The following CLSTN2 variants were observed in gnomAD, a reference collection of about 807,000 sequenced individuals.
CLSTN2 encodes calsyntenin-2.
In CLSTN2, 48 loss-of-function variants were observed where a neutral mutation model predicts 101.2. The observed-to-expected ratio is 0.47, with a 90% confidence interval of 0.38 to 0.60. CLSTN2 has a LOEUF of 0.60. CLSTN2 is among the 20% of genes least tolerant of loss of function. The pLI is 0.00. For missense variants in CLSTN2, 1,160 were observed against 1,238.2 expected, an observed-to-expected ratio of 0.94 and a Z score of 0.95; for synonymous variants, 481 against 463.6, an observed-to-expected ratio of 1.04 and a Z score of -0.48.
intron 1 of CLSTN2, among the ~76,000 whole-genome samples, chr3:140,155,709 A>G (rs1273604971): frequency 1.3e-5 from 2 of 152,122 alleles, no homozygotes; most frequent in Admixed American, 1.3e-4. Flanking sequence ...CATGATGCAA[A>G]CAAGTCTTCA....
chr3:140,507,895 A>G (rs1252947945), intron 8 of CLSTN2: 1 of 152,184 alleles, frequency 6.6e-6, no homozygotes, highest in African/African-American at 2.4e-5. Flanking sequence ...TACCCATCTT[A>G]TAGATGAAGA....
intron 2 of CLSTN2, among the ~76,000 whole-genome samples, chr3:140,395,017 T>A (rs138772058): frequency 3.2e-4 from 49 of 152,256 alleles, no homozygotes; most frequent in Non-Finnish European, 5.3e-4. Flanking sequence ...TCTCAGCATA[T>A]AAATAAGTTT....
chr3:140,201,685 A>G (rs758567782), intron 2 of CLSTN2, among the ~76,000 whole-genome samples: 1 of 152,166 alleles, frequency 6.6e-6, no homozygotes, highest in Non-Finnish European at 1.5e-5. Context: ...GAAACTTAGA[A>G]TATATCAGTA....
At chr3:140,005,494 C>T (rs189992650) in intron 1 of CLSTN2, among the ~76,000 whole-genome samples, 82 of 152,318 alleles carry the variant, frequency 5.4e-4, no homozygotes, top group African/African-American at 1.9e-3. Context: ...CACCAGGACT[C>T]ACACACAGAG....
chr3:140,521,048 A>ATT (rs57840726), intron 8 of CLSTN2, among the ~76,000 whole-genome samples: 1,452 of 125,454 alleles, frequency 0.012, 17 homozygotes, highest in East Asian at 0.023. Context: ...GCTTTTTTGC[A>ATT]TTTTTTTTTT....
chr3:139,937,174 G>C (rs1368346479), intron 1 of CLSTN2, among the ~76,000 whole-genome samples: 1 of 152,138 alleles, frequency 6.6e-6, no homozygotes, highest in Non-Finnish European at 1.5e-5. Context: ...GTCTGCAAAC[G>C]GGAGTTTGAA....
chr3:140,415,486 C>CAAAAAA (rs751616049), intron 4 of CLSTN2, among the ~76,000 whole-genome samples: 129 of 56,856 alleles, frequency 2.3e-3, no homozygotes, highest in African/African-American at 4.8e-3. Flanking sequence ...CACAAAATAG[C>CAAAAAA]AAAAAAAAAA....
chr3:139,970,639 C>T (rs954974782), intron 1 of CLSTN2, among the ~76,000 whole-genome samples: 8 of 152,166 alleles, frequency 5.3e-5, no homozygotes, highest in Non-Finnish European at 1.0e-4. Flanking sequence ...TCATCCTGAA[C>T]ACAGCGGCAG....
intron 8 of CLSTN2, among the ~76,000 whole-genome samples, chr3:140,491,943 C>A (rs1261772706): frequency 6.6e-6 from 1 of 152,144 alleles, no homozygotes; most frequent in East Asian, 1.9e-4. Flanking sequence ...ACCTGGCAGG[C>A]ATTTCTGTGG....
chr3:140,446,376 A>C (rs1021641148), intron 5 of CLSTN2, among the ~76,000 whole-genome samples: 1 of 152,174 alleles, frequency 6.6e-6, no homozygotes, highest in African/African-American at 2.4e-5. Context: ...CTAGGGATGA[A>C]TCTCACATCC....
intron 1 of CLSTN2, among the ~76,000 whole-genome samples, chr3:139,945,990 G>T (rs1935209024): frequency 6.6e-6 from 1 of 152,138 alleles, no homozygotes; most frequent in Non-Finnish European, 1.5e-5. Context: ...CCTTTTTAGT[G>T]ACACTTCCAT....
chr3:140,092,301 G>A (rs1288570485), intron 1 of CLSTN2, among the ~76,000 whole-genome samples: 5 of 152,202 alleles, frequency 3.3e-5, no homozygotes, highest in Admixed American at 3.3e-4. Context: ...AAAAAAGTGA[G>A]CCTCTTGATA....
chr3:140,140,941 A>G (rs1243277440), intron 1 of CLSTN2, among the ~76,000 whole-genome samples: 2 of 152,194 alleles, frequency 1.3e-5, no homozygotes, highest in African/African-American at 4.8e-5. Context: ...GGCCTCCGTC[A>G]GGGAAGACAA....
chr3:140,279,346 A>G (rs2086824622), intron 2 of CLSTN2, among the ~76,000 whole-genome samples: 1 of 152,190 alleles, frequency 6.6e-6, no homozygotes, highest in Non-Finnish European at 1.5e-5. Flanking sequence ...CTGGGTGACC[A>G]AGGATCCTTC....
chr3:140,039,295 C>G (rs2007716815), intron 1 of CLSTN2, among the ~76,000 whole-genome samples: 1 of 151,930 alleles, frequency 6.6e-6, no homozygotes, highest in African/African-American at 2.4e-5. Flanking sequence ...GGGGGTAGAA[C>G]CCCTTTGAAG....
chr3:140,423,202 T>C (rs1207119932), intron 5 of CLSTN2, among the ~76,000 whole-genome samples: 1 of 152,224 alleles, frequency 6.6e-6, no homozygotes, highest in African/African-American at 2.4e-5. Context: ...TTATTAAATG[T>C]ATGCAAGGAA....
intron 8 of CLSTN2, among the ~76,000 whole-genome samples, chr3:140,496,392 G>A (rs1934465960): frequency 6.6e-6 from 1 of 152,092 alleles, no homozygotes; most frequent in African/African-American, 2.4e-5. Flanking sequence ...TCTAGATATA[G>A]GATCATGTCA....
intron 8 of CLSTN2, among the ~76,000 whole-genome samples, chr3:140,499,396 A>G (rs895460694): frequency 1.3e-5 from 2 of 152,160 alleles, no homozygotes; most frequent in Non-Finnish European, 2.9e-5. Flanking sequence ...GTCTTCAAGG[A>G]CCCCAATGTG....
In CLSTN2 at chr3:139,935,529, C is replaced by A; in HGVS notation, c.109+46C>A. The A allele has an allele frequency of 3.9e-6, 4 of 1,029,084 alleles. No individual in the cohort carries two copies. 63.7% of individuals were successfully genotyped at this position (1,029,084 alleles called of 1,614,324 possible). A position where few individuals can be genotyped will look rare whatever the true frequency, so the allele number is the denominator to read the frequency against. On this transcript the variant is annotated intron_variant, in intron 1 of 16. Coordinates refer to ENST00000458420, the MANE Select transcript of CLSTN2 (RefSeq NM_022131.3). This position sits in a 1 kb window ranked among gnomAD's most constrained non-coding sequence, Gnocchi z 5.5. ...CTCTTCTCCCAGGAGGGAGGCAGGG[C>A]AGGCTTGAGGGTGAAAGCGGCAAGG...
Sources: gnomAD v4.1 joint callset for allele counts (sites outside exome capture counted in the v4.1 genomes callset) on GRCh38, gnomAD v4.1.1 for gene constraint, Gnocchi (gnomAD v3.1) non-coding constraint, MANE v1.5 for transcripts, NCBI Gene and HGNC (gene_info 2026-07-23, HGNC 2026-07-21) for gene names.